Variants in PTPRF observed in about 807,000 individuals in gnomAD.
PTPRF encodes protein tyrosine phosphatase receptor type F.
In PTPRF, 59 loss-of-function variants were observed where a neutral mutation model predicts 201.8. The observed-to-expected ratio is 0.29, with a 90% CI of 0.24 to 0.36. PTPRF has a LOEUF of 0.36. PTPRF is among the 10% of genes least tolerant of loss of function. The pLI is 1.00. For synonymous variants in PTPRF, 1,088 were observed against 1,089.7 expected, an observed-to-expected ratio of 1.00 and a Z score of 0.03; for missense variants, 2,132 against 2,690.5, an observed-to-expected ratio of 0.79 and a Z score of 4.59.
At chr1:43,558,562 G>A (rs559923154) in intron 5 of PTPRF, among the ~76,000 whole-genome samples, 22 of 152,320 alleles carry the variant, frequency 1.4e-4, no homozygotes, top group Admixed American at 6.5e-4. Context: ...CGTGGGGCCC[G>A]CCGCCCAGCG....
At chr1:43,604,804 C>T (rs1019334409) in intron 16 of PTPRF, 99 bp from the exon 17 acceptor site, 10 of 1,016,738 alleles carry the variant, frequency 9.8e-6, no homozygotes, top group Middle Eastern at 2.0e-4. Context: ...CCCTGTTCCC[C>T]AACCAGTGTC....
At chr1:43,559,775 G>A (rs578135265) in intron 5 of PTPRF, among the ~76,000 whole-genome samples, 23 of 151,642 alleles carry the variant, frequency 1.5e-4, no homozygotes, top group Admixed American at 1.2e-3. Context: ...AGCAGGTGGT[G>A]TGCAGCAGGC....
chr1:43,556,742 G>A (rs1645402941), intron 5 of PTPRF, among the ~76,000 whole-genome samples: 1 of 152,200 alleles, frequency 6.6e-6, no homozygotes, highest in South Asian at 2.1e-4. Flanking sequence ...AAGCTGGTTT[G>A]GAAGATTGAA....
At chr1:43,565,843 C>G (rs1178462315) in intron 5 of PTPRF, among the ~76,000 whole-genome samples, 2 of 152,102 alleles carry the variant, frequency 1.3e-5, no homozygotes, top group African/African-American at 2.4e-5. Context: ...CGGACGCGCG[C>G]GCCTGCACGG....
At chr1:43,572,089 T>A (rs1182218546) in intron 6 of PTPRF, among the ~76,000 whole-genome samples, 1 of 152,174 alleles carries the variant, frequency 6.6e-6, no homozygotes, top group Non-Finnish European at 1.5e-5. Flanking sequence ...CTGCTCACCT[T>A]CCGGCTGCTC....
chr1:43,604,458 T>TA (rs1654550642), intron 16 of PTPRF, among the ~76,000 whole-genome samples: 1 of 152,198 alleles, frequency 6.6e-6, no homozygotes, highest in South Asian at 2.1e-4. Flanking sequence ...ACTGTGTCAC[T>TA]ATTCTTGGGT....
intron 11 of PTPRF, among the ~76,000 whole-genome samples, 153 bp downstream of exon 11, chr1:43,592,754 G>C (rs1191012335): frequency 6.6e-6 from 1 of 152,098 alleles, no homozygotes; most frequent in Admixed American, 6.5e-5. Flanking sequence ...CTGGGCCTCG[G>C]GAGAGGGCCA....
chr1:43,591,480 G>T lies in PTPRF; in HGVS notation c.1458G>T (p.Leu486=), dbSNP rs1233847411. 1.3e-6 allele frequency: 2 copies of T among 1,598,534 alleles called. No individual in the cohort carries two copies. The highest frequency in any genetic ancestry group is 1.3e-5 in the African/African-American group (1 of 74,950). Residue 486 remains leucine (L), a synonymous_variant, in exon 9 of 34, where the codon CTG becomes CTT. Coordinates refer to ENST00000359947, the MANE Select transcript of PTPRF (RefSeq NM_002840.5). ...TGCTGCCTGGCATCACCTACAGCCT[G>T]CGCGTGCTTGCCTTCACCGCCGTGG... is the stretch of plus-strand genomic sequence containing the variant. ...GSLLPGITYS[L]RVLAFTAVGD... is the part of the protein sequence containing the mutation.
intron 1 of PTPRF, among the ~76,000 whole-genome samples, chr1:43,531,676 A>C (rs1643547530): frequency 2.0e-5 from 3 of 148,592 alleles, no homozygotes; most frequent in Admixed American, 6.6e-5. Flanking sequence ...AAGCCCCCCC[A>C]CCCCCTTCGT....
chr1:43,571,885 T>C (rs1436278434), intron 6 of PTPRF, among the ~76,000 whole-genome samples: 1 of 152,238 alleles, frequency 6.6e-6, no homozygotes, highest in Non-Finnish European at 1.5e-5. Context: ...GGTTAACTTT[T>C]TCGTGTGTCA....
chr1:43,579,259 C>T (rs931466921), intron 7 of PTPRF: 2 of 527,574 alleles, frequency 3.8e-6, no homozygotes, highest in Non-Finnish European at 3.8e-6. Context: ...TGTGTGTGCA[C>T]ACACGGGCAC....
chr1:43,533,226 T>G (rs1387499401), intron 1 of PTPRF, among the ~76,000 whole-genome samples: 1 of 152,076 alleles, frequency 6.6e-6, no homozygotes, highest in East Asian at 1.9e-4. Flanking sequence ...TACTGATACC[T>G]CCCCTTTATC....
Position 43,537,416 on chromosome 1 carries a change from G to C in PTPRF, c.-125-782G>C, listed in dbSNP as rs1451389838. ...GGGGTGTGTTCTTCCAGGCTGGGCT[G>C]TTTTCTTTGAACTCATTCATGCGTT... On this transcript the variant is annotated intron_variant, in intron 1 of 33. Transcript: ENST00000359947. The surrounding 1 kb of genome is among the most constrained non-coding windows in gnomAD (Gnocchi z 4.8). Among the ~76,000 whole-genome samples, 1 of 152,212 alleles carries C rather than the reference G, an allele frequency of 6.6e-6. No individual in the cohort carries two copies. Among genetic ancestry groups the C allele is most frequent in the African/African-American group, 2.4e-5 (1 of 41,462 alleles).
At chr1:43,566,238 G>A (rs372511391) in intron 5 of PTPRF, among the ~76,000 whole-genome samples, 1 of 152,326 alleles carries the variant, frequency 6.6e-6, no homozygotes, top group Non-Finnish European at 1.5e-5. Flanking sequence ...CCCCACCTCC[G>A]ATTTAGCTGT....
At chr1:43,606,106 T>G in intron 19 of PTPRF, 134 bp from the exon 20 acceptor site, 1 of 920,628 alleles carries the variant, frequency 1.1e-6, no homozygotes, top group Non-Finnish European at 1.6e-6. Context: ...GGGCAGTGGG[T>G]TGGGCAGGTG....
In PTPRF at chr1:43,588,509, C is replaced by T. The variant is rs1649759116; in HGVS notation, c.680-222C>T. Among the ~76,000 whole-genome samples the T allele has an allele frequency of 6.6e-6, 1 of 152,194 alleles. No individual in the cohort carries two copies. Among genetic ancestry groups the T allele is most frequent in the African/African-American group, 2.4e-5 (1 of 41,452 alleles). ...TTGCAAGATCTCTCATTGAGTAAGTCATCGTGCTCCAGACAGTCCCTGAGT... is the reference window on the plus strand; with the variant it reads ...TTGCAAGATCTCTCATTGAGTAAGTTATCGTGCTCCAGACAGTCCCTGAGT... On this transcript the variant is annotated intron_variant, in intron 7 of 33. Transcript: ENST00000359947. This position sits in a 1 kb window ranked among gnomAD's most constrained non-coding sequence, Gnocchi z 5.3.
chr1:43,588,694 G>A lies in PTPRF; in HGVS notation c.680-37G>A, dbSNP rs1477499396. The A allele has an allele frequency of 2.5e-6, 4 of 1,606,972 alleles. No individual in the cohort carries two copies. Among genetic ancestry groups the A allele is most frequent in the Admixed American group, 1.7e-5 (1 of 59,760 alleles). On this transcript the variant is annotated intron_variant, in intron 7 of 33. Transcript: ENST00000359947. This position sits in a 1 kb window ranked among gnomAD's most constrained non-coding sequence, Gnocchi z 5.3. Reference sequence around the variant, plus strand: ...GCCCTTCCATGCAGTCGTGTGTCCTGCCCGGCCTGTGAGTGCCTCTCTCCC... The same window carrying A: ...GCCCTTCCATGCAGTCGTGTGTCCTACCCGGCCTGTGAGTGCCTCTCTCCC...
At chr1:43,581,777 G>A (rs1172668568) in intron 7 of PTPRF, among the ~76,000 whole-genome samples, 1 of 152,228 alleles carries the variant, frequency 6.6e-6, no homozygotes, top group Non-Finnish European at 1.5e-5. Flanking sequence ...CCAGCAGAGA[G>A]GCTTCGAGGT....
At position 43,622,071 on chromosome 1, in the gene PTPRF, A is replaced by G. The variant is rs570547207; in HGVS notation, c.*68A>G. 4.0e-6 allele frequency: 6 copies of G among 1,518,346 alleles called. No homozygotes were observed. The East Asian group carries it at 1.4e-4, about 34-fold the overall frequency. The allele number at this position is 1,518,346 out of a possible 1,614,324, so 94.1% of individuals were successfully genotyped here. A position where few individuals can be genotyped will look rare whatever the true frequency, so the allele number is the denominator to read the frequency against. ...GGAGGGGACCCAGCTCCTCTGAGCC[A>G]TACCGACCATCGTCCAGCCCTCCTA... On this transcript the variant is annotated 3_prime_UTR_variant, in exon 34 of 34. Transcript: ENST00000359947.
Sources: gnomAD v4.1 joint callset for allele counts (sites outside exome capture counted in the v4.1 genomes callset) on GRCh38, gnomAD v4.1.1 for gene constraint, Gnocchi (gnomAD v3.1) non-coding constraint, MANE v1.5 for transcripts, NCBI Gene and HGNC (gene_info 2026-07-23, HGNC 2026-07-21) for gene names.